Variants in CPED1 observed in about 807,000 individuals in gnomAD.
CPED1 encodes the protein cadherin-like and PC-esterase domain-containing protein 1.
In CPED1, 114 loss-of-function variants were observed where a neutral mutation model predicts 128.2. The observed-to-expected ratio is 0.89, with a 90% CI of 0.76 to 1.04. CPED1 has a LOEUF of 1.04. CPED1 is among the 50% of genes least tolerant of loss of function. The probability of loss-of-function intolerance (pLI) is 0.00; values close to 1 mark genes in which losing one functional copy is unlikely to be tolerated. For missense variants in CPED1, 1,211 were observed against 1,207.1 expected (o/e 1.00, Z -0.05); for synonymous variants, 462 against 426.7 (o/e 1.08, Z -1.02).
intron 16 of CPED1, among the ~76,000 whole-genome samples, chr7:121,182,210 T>TTC (rs1286791377): frequency 2.0e-4 from 30 of 151,638 alleles, no homozygotes; most frequent in Admixed American, 3.9e-4. Flanking sequence ...CTTTTTTTTT[T>TTC]TTTTTTAGTT....
At chr7:121,265,412 C>T (rs921101745) in intron 18 of CPED1, among the ~76,000 whole-genome samples, 9 of 151,984 alleles carry the variant, frequency 5.9e-5, no homozygotes, top group African/African-American at 2.2e-4. Flanking sequence ...TGTGAAATCT[C>T]CACCTAACAA....
intron 7 of CPED1, among the ~76,000 whole-genome samples, chr7:121,121,829 A>G (rs1279043993): frequency 6.6e-6 from 1 of 152,180 alleles, no homozygotes; most frequent in African/African-American, 2.4e-5. Context: ...GTCTCATGAG[A>G]TCATTGAGCA....
At chr7:121,243,026 C>T (rs1442991915) in intron 17 of CPED1, among the ~76,000 whole-genome samples, 1 of 152,070 alleles carries the variant, frequency 6.6e-6, no homozygotes, top group African/African-American at 2.4e-5. Context: ...AACAGAAATC[C>T]TTTCCCCTAA....
At chr7:121,104,479 A>G (rs1794923562) in intron 7 of CPED1, among the ~76,000 whole-genome samples, 2 of 152,170 alleles carry the variant, frequency 1.3e-5, no homozygotes, top group South Asian at 4.1e-4. Context: ...GGCAACTGTA[A>G]TATCTGTAAC....
intron 5 of CPED1, among the ~76,000 whole-genome samples, chr7:121,066,355 T>C (rs953162877): frequency 2.6e-5 from 4 of 152,124 alleles, no homozygotes; most frequent in African/African-American, 9.7e-5. Flanking sequence ...GGGTTAAGAA[T>C]ACCCATTTCA....
intron 16 of CPED1, among the ~76,000 whole-genome samples, chr7:121,167,725 ATTTTTTTT>A (rs10588976): frequency 1.8e-3 from 177 of 99,222 alleles, no homozygotes; most frequent in South Asian, 0.011. Context: ...TTTAAAGTCT[ATTTTTTTT>A]TTTTTTTTTT....
chr7:120,990,135 A>G (rs1005223120), intron 2 of CPED1, among the ~76,000 whole-genome samples: 12 of 152,232 alleles, frequency 7.9e-5, no homozygotes, highest in African/African-American at 2.9e-4. Context: ...TGGAGGAGGC[A>G]TAAAATGATG....
chr7:121,234,708 C>A (rs1798214406), intron 16 of CPED1, among the ~76,000 whole-genome samples: 1 of 138,746 alleles, frequency 7.2e-6, no homozygotes, highest in Non-Finnish European at 1.6e-5. Flanking sequence ...TTCTACAGTC[C>A]AGGAACACTA....
At chr7:121,145,716 G>C (rs1195303782) in intron 16 of CPED1, among the ~76,000 whole-genome samples, 1 of 149,878 alleles carries the variant, frequency 6.7e-6, no homozygotes, top group Non-Finnish European at 1.5e-5. Context: ...AGTGTCTTTA[G>C]GTTTCAAATT....
chr7:121,022,292 T>C (rs1394135615), intron 3 of CPED1, among the ~76,000 whole-genome samples: 1 of 152,038 alleles, frequency 6.6e-6, no homozygotes, highest in Non-Finnish European at 1.5e-5. Flanking sequence ...AACACTGATA[T>C]TCTATTTAGA....
chr7:120,990,270 G>C (rs373083365), intron 2 of CPED1, among the ~76,000 whole-genome samples: 95 of 152,260 alleles, frequency 6.2e-4, no homozygotes, highest in Middle Eastern at 3.4e-3. Context: ...GTCAGTATGA[G>C]TGCCCAGACC....
At chr7:121,241,629 T>C (rs1453202540) in intron 17 of CPED1, among the ~76,000 whole-genome samples, 2 of 152,094 alleles carry the variant, frequency 1.3e-5, no homozygotes, top group Non-Finnish European at 2.9e-5. Context: ...GTACCTAAAG[T>C]ACCACTCCTT....
chr7:121,160,512 C>G (rs1352791857), intron 16 of CPED1, among the ~76,000 whole-genome samples: 1 of 152,134 alleles, frequency 6.6e-6, no homozygotes, highest in Non-Finnish European at 1.5e-5. Flanking sequence ...AAGGTAATCA[C>G]CTGTGAAGCT....
At chr7:121,294,063 C>T (rs1792770137) in intron 22 of CPED1, among the ~76,000 whole-genome samples, 1 of 152,012 alleles carries the variant, frequency 6.6e-6, no homozygotes, top group Non-Finnish European at 1.5e-5. Flanking sequence ...CAACCTTTCC[C>T]CCAATCTCTC....
intron 16 of CPED1, among the ~76,000 whole-genome samples, chr7:121,208,850 A>G (rs923285161): frequency 1.3e-5 from 2 of 152,042 alleles, no homozygotes; most frequent in African/African-American, 4.8e-5. Flanking sequence ...CAGAAAAGGA[A>G]TCCTGTTTCA....
chr7:121,270,783 T>C lies in CPED1; in HGVS notation c.2722-501T>C, dbSNP rs148482251. Among the ~76,000 whole-genome samples, 403 of 152,262 alleles carry C rather than the reference T, an allele frequency of 2.6e-3. 4 individuals carry two copies. Among genetic ancestry groups the C allele is most frequent in the African/African-American group, 9.4e-3 (390 of 41,576 alleles). ...TGCTGTTTTGGTTACTGTAGCCTTA[T>C]AGTATAGCCTGAAGTCACATAATGT... On this transcript the variant is annotated intron_variant, in intron 21 of 22. Transcript: ENST00000310396.
intron 11 of CPED1, among the ~76,000 whole-genome samples, chr7:121,129,317 A>ATATATATACGTG (rs1563037589): frequency 7.9e-6 from 1 of 126,844 alleles, no homozygotes; most frequent in Non-Finnish European, 1.7e-5. Context: ...ATATACGTAT[A>ATATATATACGTG]TATATATATA....
intron 3 of CPED1, among the ~76,000 whole-genome samples, chr7:121,026,827 C>CTTTTTTTTTTT (rs71170219): frequency 2.4e-5 from 2 of 83,472 alleles, no homozygotes; most frequent in African/African-American, 4.7e-5. Flanking sequence ...CCTGTCAGTT[C>CTTTTTTTTTTT]TTTTTTTTTT....
In CPED1 at chr7:121,295,727, T is replaced by C; in HGVS notation, c.*75T>C. ...GGACAATGGTCTAGGAGCCAAGCGC[T>C]GCACATCGCACACATTTGGGATCGA... On this transcript the variant is annotated 3_prime_UTR_variant, in exon 23 of 23. Transcript: ENST00000310396. 8.0e-7 allele frequency: 1 copy of C among 1,252,632 alleles called. No homozygotes were observed. Among genetic ancestry groups the C allele is most frequent in the Non-Finnish European group, 1.2e-6 (1 of 863,308 alleles). The allele number at this position is 1,252,632 out of a possible 1,614,324, so 77.6% of individuals were successfully genotyped here. A position where few individuals can be genotyped will look rare whatever the true frequency, so the allele number is the denominator to read the frequency against.
Sources: gnomAD v4.1 joint callset for allele counts (sites outside exome capture counted in the v4.1 genomes callset) on GRCh38, gnomAD v4.1.1 for gene constraint, MANE v1.5 for transcripts, NCBI Gene and HGNC (gene_info 2026-07-23, HGNC 2026-07-21) for gene names.